Variants in CTNNA3 observed in about 807,000 individuals in gnomAD.
CTNNA3 encodes the protein catenin alpha-3.
In CTNNA3, 76 loss-of-function variants were observed where a neutral mutation model predicts 95.7. The ratio of observed to expected loss-of-function variants is 0.79; its 90% confidence interval spans 0.66 to 0.96. The LOEUF (loss-of-function observed/expected upper bound fraction) is 0.96, where lower values mean the gene tolerates loss of function less well. Among genes scored for constraint, CTNNA3 ranks in the 40% least tolerant of loss-of-function variants. The pLI is 0.00. For missense variants in CTNNA3, 1,191 were observed against 1,089.8 expected (o/e 1.09, Z -1.31); for synonymous variants, 431 against 374.4 (o/e 1.15, Z -1.74).
At chr10:66,074,248 A>T (rs138054822) in intron 14 of CTNNA3, among the ~76,000 whole-genome samples, 3 of 151,598 alleles carry the variant, frequency 2.0e-5, no homozygotes, top group Non-Finnish European at 4.4e-5. Context: ...TATTTCTATA[A>T]ATTTATTCAT....
chr10:66,589,407 G>T (rs925926520), intron 10 of CTNNA3, among the ~76,000 whole-genome samples: 1 of 152,048 alleles, frequency 6.6e-6, no homozygotes, highest in Non-Finnish European at 1.5e-5. Flanking sequence ...ATCAGTACCT[G>T]CCCCTACCCC....
chr10:67,111,616 CA>C (rs1858913099), intron 7 of CTNNA3, among the ~76,000 whole-genome samples: 1 of 151,840 alleles, frequency 6.6e-6, no homozygotes, highest in African/African-American at 2.4e-5. Context: ...TTATTTTTGT[CA>C]AACCAATATG....
At chr10:66,922,316 A>G (rs1846830167) in intron 7 of CTNNA3, among the ~76,000 whole-genome samples, 1 of 152,236 alleles carries the variant, frequency 6.6e-6, no homozygotes, top group South Asian at 2.1e-4. Context: ...GCAAATCAGA[A>G]ATAATCAGCT....
chr10:66,197,315 G>A (rs72795392), intron 13 of CTNNA3, among the ~76,000 whole-genome samples: 7,210 of 151,628 alleles, frequency 0.048, 217 homozygotes, highest in African/African-American at 0.067. Context: ...AAACAAATGC[G>A]TTTAAGAACT....
At chr10:67,546,794 G>A (rs10997706) in intron 3 of CTNNA3, among the ~76,000 whole-genome samples, 9 of 152,066 alleles carry the variant, frequency 5.9e-5, no homozygotes, top group East Asian at 3.9e-4. Flanking sequence ...TAAGATTTCC[G>A]ACTAAAGTTA....
intron 1 of CTNNA3, among the ~76,000 whole-genome samples, chr10:67,749,366 T>A (rs955072035): frequency 3.3e-5 from 5 of 152,244 alleles, no homozygotes; most frequent in Admixed American, 6.5e-5. Flanking sequence ...TACATTCTTC[T>A]CAGTGCCACA....
chr10:66,113,815 C>T (rs953627343), intron 13 of CTNNA3, among the ~76,000 whole-genome samples: 25 of 152,136 alleles, frequency 1.6e-4, no homozygotes, highest in African/African-American at 5.6e-4. Context: ...TTAGAAACAG[C>T]TTTTTAAACT....
intron 12 of CTNNA3, among the ~76,000 whole-genome samples, chr10:66,354,278 C>A (rs2092591031): frequency 6.8e-6 from 1 of 147,264 alleles, no homozygotes; most frequent in Admixed American, 6.8e-5. Context: ...AAGTGAGACT[C>A]CATCTCAAAA....
At chr10:66,333,199 T>C (rs2092352621) in intron 12 of CTNNA3, among the ~76,000 whole-genome samples, 1 of 152,114 alleles carries the variant, frequency 6.6e-6, no homozygotes, top group South Asian at 2.1e-4. Context: ...TCATTGATTT[T>C]TTGAAGGGTT....
At chr10:67,549,303 G>T (rs1225287504) in intron 3 of CTNNA3, among the ~76,000 whole-genome samples, 1 of 152,014 alleles carries the variant, frequency 6.6e-6, no homozygotes, top group African/African-American at 2.4e-5. Context: ...TCCTTGGGGG[G>T]AATATCAAGA....
chr10:65,959,832 G>C (rs2133235977), intron 17 of CTNNA3, among the ~76,000 whole-genome samples: 1 of 152,210 alleles, frequency 6.6e-6, no homozygotes, highest in East Asian at 1.9e-4. Context: ...CTCTTTATTT[G>C]ATAAAGGATA....
At chr10:66,956,524 C>G (rs762652626) in intron 7 of CTNNA3, among the ~76,000 whole-genome samples, 3 of 152,068 alleles carry the variant, frequency 2.0e-5, no homozygotes, top group Non-Finnish European at 4.4e-5. Flanking sequence ...TACTCCTTAG[C>G]AAGGAGGAGG....
chr10:67,606,989 T>C lies in CTNNA3; in HGVS notation c.160A>G (p.Arg54Gly), dbSNP rs200409596. Residue 54 changes from arginine to glycine, a missense_variant, in exon 3 of 18, where the codon AGA becomes GGA. Physicochemically the swap from Arg to Gly is moderately radical, Grantham distance 125. Coordinates refer to ENST00000433211, the MANE Select transcript of CTNNA3 (RefSeq NM_013266.4). Reference sequence around the variant, plus strand: ...ACAGAAGCTAGAAGGACACTGGCTCTTTTCGAACGTCCTTTTTTCCTGCTG... The same window carrying C: ...ACAGAAGCTAGAAGGACACTGGCTCCTTTCGAACGTCCTTTTTTCCTGCTG... ...PSSRKKGRSKRASVLLASVEE... is the reference protein window; with the variant it reads ...PSSRKKGRSKGASVLLASVEE... The C allele has an allele frequency of 6.2e-7, 1 of 1,614,142 alleles. No homozygotes were observed. Among genetic ancestry groups the C allele is most frequent in the East Asian group, 2.2e-5 (1 of 44,884 alleles).
intron 7 of CTNNA3, among the ~76,000 whole-genome samples, chr10:67,139,862 C>T (rs934434461): frequency 6.6e-6 from 1 of 152,106 alleles, no homozygotes; most frequent in Admixed American, 6.5e-5. Context: ...AAATGTAATG[C>T]TTAAACTTTT....
intron 9 of CTNNA3, among the ~76,000 whole-genome samples, chr10:66,742,713 G>A (rs1477771121): frequency 6.6e-6 from 1 of 152,012 alleles, no homozygotes; most frequent in African/African-American, 2.4e-5. Flanking sequence ...AAATATCGGG[G>A]GTGAATTTCA....
chr10:67,154,056 A>G (rs1020498350), intron 7 of CTNNA3, among the ~76,000 whole-genome samples: 4 of 152,132 alleles, frequency 2.6e-5, no homozygotes, highest in Non-Finnish European at 2.9e-5. Flanking sequence ...AATTAAAAAA[A>G]ACTTTGTTTT....
chr10:66,804,362 C>G (rs576662261), intron 7 of CTNNA3, among the ~76,000 whole-genome samples: 5 of 152,052 alleles, frequency 3.3e-5, no homozygotes, highest in African/African-American at 1.2e-4. Flanking sequence ...TTAGTGAACT[C>G]CAGCATCATC....
chr10:66,979,273 T>G (rs1850275565), intron 7 of CTNNA3, among the ~76,000 whole-genome samples: 2 of 152,158 alleles, frequency 1.3e-5, no homozygotes, highest in African/African-American at 4.8e-5. Flanking sequence ...TGGTCATAAC[T>G]ATTTCTTAAG....
At chr10:67,711,773 C>T (rs1841111389) in intron 1 of CTNNA3, among the ~76,000 whole-genome samples, 1 of 143,466 alleles carries the variant, frequency 7.0e-6, no homozygotes, top group African/African-American at 2.6e-5. Context: ...GTGATGTTCC[C>T]CTTCCTGTGT....
Sources: gnomAD v4.1 joint callset for allele counts (sites outside exome capture counted in the v4.1 genomes callset) on GRCh38, gnomAD v4.1.1 for gene constraint, MANE v1.5 for transcripts, NCBI Gene and HGNC (gene_info 2026-07-23, HGNC 2026-07-21) for gene names.